Variants in GPHN observed in about 807,000 individuals in gnomAD.
GPHN encodes the protein gephyrin.
Under a neutral mutation model 95.5 loss-of-function variants are expected in GPHN, and 17 were observed. The ratio of observed to expected loss-of-function variants is 0.18; its 90% CI spans 0.12 to 0.27. GPHN has a LOEUF of 0.27. GPHN is among the 10% of genes least tolerant of loss of function. The probability of loss-of-function intolerance (pLI) is 1.00; values close to 1 mark genes in which losing one functional copy is unlikely to be tolerated. For synonymous variants in GPHN, 320 were observed against 322.5 expected (o/e 0.99, Z 0.08); for missense variants, 660 against 978.1 (o/e 0.67, Z 4.34).
intron 1 of GPHN, among the ~76,000 whole-genome samples, chr14:66,652,199 A>G (rs1335916793): frequency 6.6e-6 from 1 of 152,160 alleles, no homozygotes; most frequent in Non-Finnish European, 1.5e-5. Context: ...TCATATGCCA[A>G]ACATTGTGGT....
intron 5 of GPHN, among the ~76,000 whole-genome samples, chr14:66,894,482 C>T (rs1485476290): frequency 6.6e-6 from 1 of 152,168 alleles, no homozygotes; most frequent in African/African-American, 2.4e-5. Flanking sequence ...ACACCAAAAG[C>T]AATGGCAACA....
At chr14:66,909,932 C>T (rs1296553431) in intron 5 of GPHN, among the ~76,000 whole-genome samples, 2 of 151,780 alleles carry the variant, frequency 1.3e-5, no homozygotes, top group Non-Finnish European at 2.9e-5. Context: ...CCTATAAACC[C>T]AAGGTGTATT....
Position 66,687,554 on chromosome 14 carries a change from T to C in GPHN, c.143+6369T>C, listed in dbSNP as rs1279552345. ...CTCAGGCTGGAGTGCAATGGCACAA[T>C]CTCGGCTCACCGCAACCTCTCGCCT... On this transcript the variant is annotated intron_variant, in intron 2 of 22. Coordinates refer to ENST00000478722, the MANE Select transcript of GPHN (RefSeq NM_020806.5). Among the ~76,000 whole-genome samples the C allele has an allele frequency of 2.8e-5, 4 of 140,486 alleles. No individual in the cohort carries two copies. The Admixed American group carries it at 3.0e-4, about 11-fold the overall frequency. 92.2% of individuals were successfully genotyped at this position (140,486 alleles called of 152,430 possible). A position where few individuals can be genotyped will look rare whatever the true frequency, so the allele number is the denominator to read the frequency against.
At chr14:67,112,487 G>A (rs2078434279) in intron 15 of GPHN, among the ~76,000 whole-genome samples, 1 of 152,096 alleles carries the variant, frequency 6.6e-6, no homozygotes, top group Non-Finnish European at 1.5e-5. Flanking sequence ...CCATCCCTAT[G>A]GCAGCACACC....
At chr14:66,905,759 A>G (rs942277311) in intron 5 of GPHN, among the ~76,000 whole-genome samples, 4 of 152,000 alleles carry the variant, frequency 2.6e-5, no homozygotes, top group East Asian at 1.9e-4. Context: ...CCCAGTGTCT[A>G]TTGTTCCCAT....
chr14:66,960,949 T>C (rs1300262743), intron 8 of GPHN, among the ~76,000 whole-genome samples: 3 of 152,116 alleles, frequency 2.0e-5, no homozygotes, highest in Non-Finnish European at 4.4e-5. Flanking sequence ...CAGATGACAG[T>C]GGCTAATACA....
At chr14:66,885,306 A>C (rs1258198710) in intron 5 of GPHN, among the ~76,000 whole-genome samples, 2 of 152,082 alleles carry the variant, frequency 1.3e-5, no homozygotes, top group Non-Finnish European at 2.9e-5. Context: ...TCTCTGATAT[A>C]ACTATTTTGG....
At chr14:67,369,170 A>C in the GPHN span, among the ~76,000 whole-genome samples, 7 of 152,238 alleles carry the variant, frequency 4.6e-5, no homozygotes, top group Non-Finnish European at 7.3e-5. Flanking sequence ...GTTGAAAATA[A>C]ATGGATATAA....
At chr14:66,669,777 C>G (rs753511988) in intron 1 of GPHN, among the ~76,000 whole-genome samples, 1 of 152,030 alleles carries the variant, frequency 6.6e-6, no homozygotes, top group Non-Finnish European at 1.5e-5. Context: ...TTTGGTCTTC[C>G]TGTGTATCTT....
chr14:67,626,620 A>C, the GPHN span, among the ~76,000 whole-genome samples: 1 of 152,050 alleles, frequency 6.6e-6, no homozygotes, highest in Non-Finnish European at 1.5e-5. Flanking sequence ...ACAGGCAAGC[A>C]CCACCATGCC....
Position 66,508,532 on chromosome 14 carries a change from C to T in GPHN, c.5C>T (p.Ala2Val). The stretch of plus-strand genomic sequence containing the variant: ...GCGGTGACTGCGCTGGGAAACATGG[C>T]GACCGAGGGAATGATCCTTACTAAC... M[A>V]TEGMILTNHD... is the part of the protein sequence containing the mutation. The change falls in exon 1 of 23, where the codon GCG (alanine) becomes GTG (valine). Residue 2 changes from alanine to valine, a missense_variant. Ala to Val is a moderately conservative substitution (Grantham distance 64). Transcript: ENST00000478722. 6.2e-7 allele frequency: 1 copy of T among 1,613,908 alleles called. No individual in the cohort carries two copies. Among genetic ancestry groups the T allele is most frequent in the Non-Finnish European group, 8.5e-7 (1 of 1,179,792 alleles).
At chr14:66,550,569 G>A (rs974192498) in intron 1 of GPHN, among the ~76,000 whole-genome samples, 1 of 152,166 alleles carries the variant, frequency 6.6e-6, no homozygotes, top group Admixed American at 6.5e-5. Context: ...GGGTTTGAGA[G>A]GATTGACAGC....
chr14:67,257,661 ATATG>A, the GPHN span, among the ~76,000 whole-genome samples: 5 of 151,874 alleles, frequency 3.3e-5, no homozygotes, highest in African/African-American at 9.7e-5. Flanking sequence ...ATATATGTAT[ATATG>A]TATGTATATA....
chr14:67,424,494 G>T, the GPHN span, among the ~76,000 whole-genome samples: 3 of 151,538 alleles, frequency 2.0e-5, no homozygotes, highest in Non-Finnish European at 4.4e-5. Flanking sequence ...AGCTACTTGG[G>T]AGGCTGAGGT....
Position 67,025,939 on chromosome 14 carries a change from A to G in GPHN, c.1006+2264A>G, listed in dbSNP as rs76241073. The stretch of plus-strand genomic sequence containing the variant: ...ATGATTACATCAGGATCTTTATCCA[A>G]TCTTAATGAAGCTCCTATATTGAAA... On this transcript the variant is annotated intron_variant, in intron 10 of 22. Coordinates refer to ENST00000478722, the MANE Select transcript of GPHN (RefSeq NM_020806.5). Among the ~76,000 whole-genome samples the G allele has an allele frequency of 3.0e-3, 454 of 152,330 alleles. 3 individuals are homozygous for G. Among genetic ancestry groups the G allele is most frequent in the African/African-American group, 0.01 (435 of 41,570 alleles).
intron 8 of GPHN, among the ~76,000 whole-genome samples, chr14:66,929,659 C>G (rs1389412196): frequency 6.6e-6 from 1 of 151,084 alleles, no homozygotes; most frequent in Non-Finnish European, 1.5e-5. Flanking sequence ...TTTCCACTTG[C>G]ATGGTATATC....
chr14:67,428,197 G>A, the GPHN span, among the ~76,000 whole-genome samples: 1 of 152,082 alleles, frequency 6.6e-6, no homozygotes, highest in Non-Finnish European at 1.5e-5. Context: ...GGAATTACAG[G>A]CATGAGCCAC....
chr14:67,651,535 T>TAAACATTTTGGGGTTAGA, the GPHN span: 1 of 1,596,568 alleles, frequency 6.3e-7, no homozygotes, highest in Non-Finnish European at 8.5e-7. Context: ...ACCTTCCTTC[T>TAAACATTTTGGGGTTAGA]AAACATTTTG....
At chr14:67,314,978 C>T in the GPHN span, among the ~76,000 whole-genome samples, 10 of 152,112 alleles carry the variant, frequency 6.6e-5, no homozygotes, top group African/African-American at 2.2e-4. Context: ...CATGGTGGTG[C>T]GTACCTGTAG....
Sources: gnomAD v4.1 joint callset for allele counts (sites outside exome capture counted in the v4.1 genomes callset) on GRCh38, gnomAD v4.1.1 for gene constraint, MANE v1.5 for transcripts, NCBI Gene and HGNC (gene_info 2026-07-23, HGNC 2026-07-21) for gene names.